Variants in HECTD4 observed in about 807,000 individuals in gnomAD.
HECTD4 encodes the protein HECT domain E3 ubiquitin protein ligase 4, also known as probable E3 ubiquitin-protein ligase HECTD4.
A neutral mutation model predicts 471.5 loss-of-function variants in HECTD4; 114 were observed. The observed-to-expected ratio is 0.24, with a 90% CI of 0.21 to 0.28. HECTD4 has a LOEUF of 0.28. Ranked by LOEUF, HECTD4 falls within the 10% of genes least tolerant of loss-of-function variation. The probability of loss-of-function intolerance (pLI) is 1.00; values close to 1 mark genes in which losing one functional copy is unlikely to be tolerated. For missense variants in HECTD4, 3,866 were observed against 5,651.5 expected, an observed-to-expected ratio of 0.68 and a Z score of 10.13; for synonymous variants, 2,012 against 2,256.0, an observed-to-expected ratio of 0.89 and a Z score of 3.07.
chr12:112,181,353 A>G (rs918015659), intron 62 of HECTD4, among the ~76,000 whole-genome samples: 2 of 152,098 alleles, frequency 1.3e-5, no homozygotes, highest in African/African-American at 4.8e-5. Context: ...ACTATACTAC[A>G]ATATTATTTC....
At chr12:112,216,487 A>G in intron 47 of HECTD4, 116 bp from the exon 48 acceptor site, 2 of 722,982 alleles carry the variant, frequency 2.8e-6, no homozygotes, top group Non-Finnish European at 4.8e-6. Context: ...TGAGATTATT[A>G]TAGTATCACT....
Position 112,283,140 on chromosome 12 carries a change from T to C in HECTD4, c.1498A>G (p.Ile500Val). 5 of 1,613,646 alleles carry C rather than the reference T, an allele frequency of 3.1e-6. No individual in the cohort carries two copies. The highest frequency in any genetic ancestry group is 4.2e-6 in the Non-Finnish European group (5 of 1,179,742). The part of the protein sequence containing the change: ...ATLAALTGST[I>V]SNTLKEDQAA... ...TGATCCTCTTTCAGTGTGTTGGAGATGGTGGAACCAGTCAGGGCAGCAAGC... is the reference window on the plus strand; with the variant it reads ...TGATCCTCTTTCAGTGTGTTGGAGACGGTGGAACCAGTCAGGGCAGCAAGC... Residue 500 changes from isoleucine (I) to valine (V), a missense_variant, in exon 8 of 76, where the codon ATC (isoleucine) becomes GTC (valine). Physicochemically the swap from Ile to Val is conservative, Grantham distance 29 (BLOSUM62 3). Coordinates refer to ENST00000682272, the MANE Select transcript of HECTD4 (RefSeq NM_001388303.1).
At chr12:112,197,647 G>A (rs2032285818) in intron 55 of HECTD4, among the ~76,000 whole-genome samples, 1 of 152,152 alleles carries the variant, frequency 6.6e-6, no homozygotes, top group African/African-American at 2.4e-5. Context: ...CATTAACACT[G>A]ATTAAACATC....
chr12:112,350,255 TA>T (rs2036227188), intron 1 of HECTD4, among the ~76,000 whole-genome samples: 1 of 152,218 alleles, frequency 6.6e-6, no homozygotes, highest in Admixed American at 6.5e-5. Flanking sequence ...AGCCATACGA[TA>T]CTTTTTATTT....
chr12:112,203,707 G>A lies in HECTD4; in HGVS notation c.8335C>T (p.Leu2779=), dbSNP rs762074165. ...ATCCCTCGGATGGCAAATTTTGGCA[G>A]AGCAGTTCCAACAGCACTGCTGGCT... is the stretch of plus-strand genomic sequence containing the variant. The part of the protein sequence containing the change: ...NVASSAVGTA[L]PKFAIRGMLK... The change falls in exon 54 of 76, where the codon CTG becomes TTG. Residue 2779 remains leucine (L), a synonymous_variant. Transcript: ENST00000682272. The A allele has an allele frequency of 6.2e-7, 1 of 1,612,922 alleles. No homozygotes were observed. Among genetic ancestry groups the A allele is most frequent in the South Asian group, 1.1e-5 (1 of 90,840 alleles).
At chr12:112,219,701 G>C in intron 44 of HECTD4, 1 of 362,562 alleles carries the variant, frequency 2.8e-6, no homozygotes, top group South Asian at 5.4e-5. Context: ...CTGGGTTCAA[G>C]AGATTCTCCT....
chr12:112,341,752 A>G (rs939196420), intron 1 of HECTD4, among the ~76,000 whole-genome samples: 2 of 152,216 alleles, frequency 1.3e-5, no homozygotes, highest in Non-Finnish European at 2.9e-5. Flanking sequence ...GGGGGCAGGG[A>G]GCAAGCAATC....
intron 16 of HECTD4, 117 bp downstream of exon 16, chr12:112,265,058 C>T (rs2034236589): frequency 5.1e-6 from 5 of 975,214 alleles, no homozygotes; most frequent in Non-Finnish European, 5.7e-6. Flanking sequence ...AGCCACTGCG[C>T]CCGGCCTTTC....
intron 2 of HECTD4, among the ~76,000 whole-genome samples, chr12:112,316,133 C>G (rs1199226280): frequency 6.6e-6 from 1 of 152,074 alleles, no homozygotes; most frequent in Non-Finnish European, 1.5e-5. Flanking sequence ...TGCCCCTCTC[C>G]TTCTACTATC....
chr12:112,365,774 T>G (rs1260348684), intron 1 of HECTD4, among the ~76,000 whole-genome samples: 4 of 2,376 alleles, frequency 1.7e-3, no homozygotes, highest in Admixed American at 6.1e-3. Flanking sequence ...TTTTTTTTGT[T>G]TTTTTTTTTT....
In HECTD4 at chr12:112,194,887, G is replaced by A. The variant is rs779315739; in HGVS notation, c.8747C>T (p.Pro2916Leu). 1 of 1,603,940 alleles carries A rather than the reference G, an allele frequency of 6.2e-7. No homozygotes were observed. Among genetic ancestry groups the A allele is most frequent in the South Asian group, 1.1e-5 (1 of 88,850 alleles). Reference sequence around the variant, plus strand: ...ACAGCAGCAAAGCCAAGTTTTACCTGGGAGAGGAGGTGCGAGGAGCTGATT... The same window carrying A: ...ACAGCAGCAAAGCCAAGTTTTACCTAGGAGAGGAGGTGCGAGGAGCTGATT... ...LSNQLLAPPL[P>L]DGTISSSSIL... The change falls in exon 56 of 76, where the codon CCA becomes CTA. Residue 2916 changes from proline to leucine, a missense_variant and splice_region_variant. This residue lies in a region of HECTD4 where 266 missense variants were observed against 441.6 expected (regional missense o/e 0.60). Coordinates refer to ENST00000682272, the MANE Select transcript of HECTD4 (RefSeq NM_001388303.1). This position sits in a 1 kb window ranked among gnomAD's most constrained non-coding sequence, Gnocchi z 4.6.
At chr12:112,324,082 CT>C (rs1198055808) in intron 1 of HECTD4, among the ~76,000 whole-genome samples, 1 of 73,034 alleles carries the variant, frequency 1.4e-5, no homozygotes, top group Non-Finnish European at 2.2e-5. Flanking sequence ...TTCTTTCTTT[CT>C]TTCTTTCTTT....
intron 69 of HECTD4, chr12:112,169,971 C>T (rs2031147960): frequency 3.7e-6 from 2 of 547,736 alleles, no homozygotes; most frequent in Non-Finnish European, 6.6e-6. Context: ...TGCGCATATC[C>T]CCCTTCTGTC....
rs1415230399 is a variant in HECTD4 at position 112,243,680 on chromosome 12, G to A, written c.4731C>T (p.Pro1577=). 5 of 1,613,518 alleles carry A rather than the reference G, an allele frequency of 3.1e-6. No homozygotes were observed. The African/African-American group carries it at 6.7e-5, about 22-fold the overall frequency. Residue 1577 remains proline (P), a synonymous_variant, in exon 31 of 76, where the codon CCC becomes CCT. Coordinates refer to ENST00000682272, the MANE Select transcript of HECTD4 (RefSeq NM_001388303.1). This position sits in a 1 kb window ranked among gnomAD's most constrained non-coding sequence, Gnocchi z 6.6. ...GCTGCCCTAGCAGGACACTGTAGGT[G>A]GGCTTGTCCCTGCTGTCCTCAATGG... is the stretch of plus-strand genomic sequence containing the variant. ...SLAIEDSRDK[P]TYSVLLGQLF...
At position 112,200,695 on chromosome 12, in the gene HECTD4, C is replaced by A. The variant is rs753525697; in HGVS notation, c.8510G>T (p.Arg2837Leu). Residue 2837 changes from arginine (R) to leucine (L), a missense_variant, in exon 55 of 76, where the codon CGA becomes CTA. By Grantham distance (102) the Arg-to-Leu change is moderately radical. Transcript: ENST00000682272. ...GACCAGCCCATTGGTGGCAGTCCTT[C>A]GGTAGCCTGCTGGGGGCCTTTCCAA... The part of the protein sequence containing the change: ...DMLERPPAGY[R>L]RTATNGLVTL... The A allele has an allele frequency of 1.2e-6, 2 of 1,613,944 alleles. No individual in the cohort carries two copies.
Position 112,239,816 on chromosome 12 carries a change from A to G in HECTD4, c.5105+65T>C. On this transcript the variant is annotated intron_variant, in intron 33 of 75. Coordinates refer to ENST00000682272, the MANE Select transcript of HECTD4 (RefSeq NM_001388303.1). This position sits in a 1 kb window ranked among gnomAD's most constrained non-coding sequence, Gnocchi z 4.9. ...AAATCCAATTTTTAAAATTAAAAAT[A>G]CTTTCACTTAATCGACTATACTGCA... 2.8e-6 allele frequency: 4 copies of G among 1,426,720 alleles called. No homozygotes were observed. The highest frequency in any genetic ancestry group is 2.8e-6 in the Non-Finnish European group (3 of 1,061,200). 88.4% of individuals were successfully genotyped at this position (1,426,720 alleles called of 1,614,324 possible).
At chr12:112,246,277 G>T (rs1297055789) in intron 29 of HECTD4, among the ~76,000 whole-genome samples, 1 of 152,042 alleles carries the variant, frequency 6.6e-6, no homozygotes, top group African/African-American at 2.4e-5. Flanking sequence ...GAGGAAAAAA[G>T]TTACAAGATT....
In HECTD4 at chr12:112,204,372, C is replaced by T. The variant is rs868545853; in HGVS notation, c.8269+114G>A. ...GCGGTGTGGAAGAGGTTAGCCCAGT[C>T]GGAGTAAGGAGAGTCACCCTAGGAG... On this transcript the variant is annotated intron_variant, in intron 53 of 75. Transcript: ENST00000682272. 57 of 1,032,014 alleles carry T rather than the reference C, an allele frequency of 5.5e-5. 1 individual carries two copies. Among genetic ancestry groups the T allele is most frequent in the Middle Eastern group, 3.2e-4 (1 of 3,080 alleles). 63.9% of individuals were successfully genotyped at this position (1,032,014 alleles called of 1,614,324 possible).
chr12:112,374,490 C>T (rs554944612), intron 1 of HECTD4, among the ~76,000 whole-genome samples: 2 of 152,274 alleles, frequency 1.3e-5, no homozygotes, highest in East Asian at 1.9e-4. Context: ...TTTTACAGCT[C>T]GAGCCAGACA....
Sources: gnomAD v4.1 joint callset for allele counts (sites outside exome capture counted in the v4.1 genomes callset) on GRCh38, gnomAD v4.1.1 for gene constraint, gnomAD v4.1.1 regional missense constraint, Gnocchi (gnomAD v3.1) non-coding constraint, MANE v1.5 for transcripts, NCBI Gene and HGNC (gene_info 2026-07-23, HGNC 2026-07-21) for gene names.